CHD4: variants seen among roughly 807,000 people sequenced by gnomAD.
CHD4 encodes the protein ATP-dependent chromatin remodeler CHD4.
In CHD4, 35 loss-of-function variants were observed where a neutral mutation model predicts 235.5. The ratio of observed to expected loss-of-function variants is 0.15; its 90% CI spans 0.11 to 0.20. CHD4 has a LOEUF of 0.20. Ranked by LOEUF, CHD4 falls within the 10% of genes least tolerant of loss-of-function variation. The pLI, the probability that CHD4 is intolerant of heterozygous loss-of-function variation, is 1.00. For missense variants in CHD4, 1,329 were observed against 2,432.3 expected (o/e 0.55, Z 9.54); for synonymous variants, 900 against 850.2 (o/e 1.06, Z -1.02).
chr12:6,600,788 G>T, intron 7 of CHD4, 119 bp from the exon 8 acceptor site: 1 of 1,513,152 alleles, frequency 6.6e-7, no homozygotes, highest in Non-Finnish European at 8.9e-7. Flanking sequence ...CGTTATACAG[G>T]GAGCCTAGTC....
chr12:6,577,730 G>A (rs1948096012), intron 37 of CHD4, 55 bp downstream of exon 37: 11 of 1,606,832 alleles, frequency 6.8e-6, no homozygotes, highest in East Asian at 2.2e-5. Context: ...GCTGCAGGAC[G>A]TTACGCACTT....
At chr12:6,574,712 A>T (rs1023641086) in intron 37 of CHD4, among the ~76,000 whole-genome samples, 1 of 152,180 alleles carries the variant, frequency 6.6e-6, no homozygotes, top group Non-Finnish European at 1.5e-5. Flanking sequence ...ATACCAAAAG[A>T]CTTGTCTAAA....
rs1948409204 is a variant in CHD4, at chr12:6,592,051, G to A, written c.2955C>T (p.Tyr985=). 6.8e-6 allele frequency: 11 copies of A among 1,614,152 alleles called. No homozygotes were observed. Among genetic ancestry groups the A allele is most frequent in the Non-Finnish European group, 9.3e-6 (11 of 1,180,030 alleles). The part of the protein sequence containing the change: ...RVELSPMQKK[Y]YKYILTRNFE... The stretch of plus-strand genomic sequence containing the variant: ...AATTTCGAGTGAGGATGTACTTGTA[G>A]TATTTCCTACATGGGCAAGGTAGAA... Residue 985 remains tyrosine, a synonymous_variant, in exon 20 of 40, where the codon TAC becomes TAT. Transcript: ENST00000544040.
chr12:6,588,238 C>T, intron 23 of CHD4, 60 bp downstream of exon 23: 1 of 1,585,186 alleles, frequency 6.3e-7, no homozygotes, highest in South Asian at 1.1e-5. Context: ...CTCATAGAGG[C>T]CACTATGCCT....
intron 10 of CHD4, among the ~76,000 whole-genome samples, chr12:6,599,223 G>A (rs913816931): frequency 6.6e-6 from 1 of 152,148 alleles, no homozygotes; most frequent in Non-Finnish European, 1.5e-5. Flanking sequence ...TTTCAGACCA[G>A]GAATTCAAGA....
intron 3 of CHD4, 76 bp from the exon 4 acceptor site, chr12:6,602,251 A>AG: frequency 6.3e-7 from 1 of 1,596,638 alleles, no homozygotes; most frequent in Non-Finnish European, 8.6e-7. Context: ...GACAGCCCTG[A>AG]GGCTCATCCC....
At position 6,582,692 on chromosome 12, in the gene CHD4, A is replaced by G. The variant is rs750825827; in HGVS notation, c.4293T>C (p.Tyr1431=). The stretch of plus-strand genomic sequence containing the variant: ...TAAAAGCATCCTGAGGTGGCATACC[A>G]TATCGCATAATTGCATTAAGAAAGG... ...RKAFLNAIMR[Y]GMPPQDAFTT... The change falls in exon 29 of 40, where the codon TAT becomes TAC. Residue 1431 remains tyrosine, a synonymous_variant. Transcript: ENST00000544040. The G allele has an allele frequency of 7.4e-6, 12 of 1,614,116 alleles. No homozygotes were observed. Among genetic ancestry groups the G allele is most frequent in the Admixed American group, 3.3e-5 (2 of 60,010 alleles).
At chr12:6,571,387 TTTTAC>T (rs1406797453) in intron 38 of CHD4, 6 of 218,056 alleles carry the variant, frequency 2.8e-5, no homozygotes, top group African/African-American at 9.2e-5. Context: ...CCTCATAACC[TTTTAC>T]TTTAATTAGA....
intron 37 of CHD4, among the ~76,000 whole-genome samples, chr12:6,574,905 A>C (rs1948042088): frequency 6.6e-6 from 1 of 152,234 alleles, no homozygotes; most frequent in Non-Finnish European, 1.5e-5. Context: ...CTGTTTTTAT[A>C]TGGCTCAAGA....
intron 25 of CHD4, 28 bp from the exon 26 acceptor site, chr12:6,583,406 G>A: frequency 6.3e-7 from 1 of 1,580,918 alleles, no homozygotes; most frequent in South Asian, 1.2e-5. Context: ...CCAGGACTCA[G>A]GAGTGCTGAA....
rs1315784989 is a variant in CHD4, at chr12:6,600,389, T to G, written c.1070A>C (p.Glu357Ala). The G allele has an allele frequency of 6.2e-7, 1 of 1,613,726 alleles. No individual in the cohort carries two copies. The highest frequency in any genetic ancestry group is 1.7e-5 in the Admixed American group (1 of 59,978). ...ATAACCATCCACAGCAGTCACCTCC[T>G]CCTCGCCTGGGCAAGGAAGAGGGAA... is the stretch of plus-strand genomic sequence containing the variant. ...RTTKKKKKGE[E>A]EVTAVDGYET... Residue 357 changes from glutamate (E) to alanine (A), a missense_variant, in exon 9 of 40, where the codon GAG becomes GCG. Physicochemically the swap from Glu to Ala is moderately radical, Grantham distance 107 (BLOSUM62 -1). Transcript: ENST00000544040.
intron 37 of CHD4, among the ~76,000 whole-genome samples, chr12:6,576,941 CTT>C (rs571716589): frequency 1.6e-4 from 23 of 146,656 alleles, no homozygotes; most frequent in South Asian, 2.1e-4. Context: ...ACAGACACGT[CTT>C]TTTTTTTTTT....
At chr12:6,572,533 C>A (rs895236583) in intron 38 of CHD4, among the ~76,000 whole-genome samples, 3 of 152,062 alleles carry the variant, frequency 2.0e-5, no homozygotes, top group East Asian at 1.9e-4. Context: ...GAGTTCAAGA[C>A]CCACCTGGGC....
intron 38 of CHD4, among the ~76,000 whole-genome samples, chr12:6,572,438 A>G (rs1565598706): frequency 1.3e-5 from 2 of 151,510 alleles, no homozygotes; most frequent in African/African-American, 4.9e-5. Flanking sequence ...AAAAAAAAAA[A>G]AAAAAGAGGT....
chr12:6,580,713 A>C (rs1948168031), intron 33 of CHD4: 1 of 230,376 alleles, frequency 4.3e-6, no homozygotes, highest in Non-Finnish European at 8.1e-6. Context: ...TGAAAAAAAA[A>C]AAAAAAAAAA....
At chr12:6,582,060 C>A (rs1948204084) in intron 30 of CHD4, 77 bp downstream of exon 30, 1 of 1,444,280 alleles carries the variant, frequency 6.9e-7, no homozygotes, top group African/African-American at 1.4e-5. Context: ...GCCTCAGCCT[C>A]CCAAAGTGCT....
At chr12:6,597,763 T>C (rs1948524834) in intron 12 of CHD4, 131 bp downstream of exon 12, 1 of 835,278 alleles carries the variant, frequency 1.2e-6, no homozygotes, top group South Asian at 1.6e-5. Context: ...AGACTCTGTC[T>C]CAAAAACAAA....
intron 33 of CHD4, chr12:6,579,166 T>C: frequency 2.4e-6 from 1 of 421,996 alleles, no homozygotes; most frequent in South Asian, 2.4e-5. Flanking sequence ...AATACAAAAA[T>C]TAGCTGGGTG....
At chr12:6,604,092 T>C (rs938717152) in intron 2 of CHD4, among the ~76,000 whole-genome samples, 1 of 151,980 alleles carries the variant, frequency 6.6e-6, no homozygotes, top group African/African-American at 2.4e-5. Flanking sequence ...TTGGCCAACA[T>C]GGTGAAACCC....
Sources: allele counts gnomAD v4.1 joint callset (sites outside exome capture counted in the v4.1 genomes callset), GRCh38; gene constraint gnomAD v4.1.1; transcripts MANE v1.5; gene names NCBI Gene and HGNC (gene_info 2026-07-23, HGNC 2026-07-21).